FTO: variants seen among roughly 807,000 people sequenced by gnomAD.
The protein encoded by FTO is alpha-ketoglutarate-dependent dioxygenase FTO.
Under a neutral mutation model 63.9 loss-of-function variants are expected in FTO, and 47 were observed. That is an observed-to-expected ratio of 0.74 (90% CI 0.58 to 0.94). FTO has a LOEUF of 0.94. Ranked by LOEUF, FTO falls within the 40% of genes least tolerant of loss-of-function variation. FTO has a pLI of 0.00. For synonymous variants in FTO, 207 were observed against 224.4 expected, an observed-to-expected ratio of 0.92 and a Z score of 0.69; for missense variants, 562 against 618.1, an observed-to-expected ratio of 0.91 and a Z score of 0.96.
intron 8 of FTO, among the ~76,000 whole-genome samples, chr16:53,962,243 G>T (rs2083099127): frequency 6.6e-6 from 1 of 152,168 alleles, no homozygotes; most frequent in South Asian, 2.1e-4. Context: ...GAAGGCTCCA[G>T]ACAGGACCCA....
At chr16:54,058,021 A>G (rs2085478683) in intron 8 of FTO, among the ~76,000 whole-genome samples, 1 of 152,094 alleles carries the variant, frequency 6.6e-6, no homozygotes, top group Non-Finnish European at 1.5e-5. Context: ...CCTGTGGGTG[A>G]CACAGTGCCC....
At chr16:53,853,049 T>A (rs974268253) in intron 4 of FTO, among the ~76,000 whole-genome samples, 2 of 152,128 alleles carry the variant, frequency 1.3e-5, no homozygotes, top group Non-Finnish European at 2.9e-5. Flanking sequence ...TCCCAACACT[T>A]TGGGAGGCTG....
At chr16:53,742,313 A>G (rs188149256) in intron 1 of FTO, among the ~76,000 whole-genome samples, 63 of 152,278 alleles carry the variant, frequency 4.1e-4, no homozygotes, top group African/African-American at 1.4e-3. Context: ...CAGTTTTTCA[A>G]TTAGAACTAT....
Position 54,121,482 on chromosome 16 carries a change from G to C in FTO, c.*9567G>C, listed in dbSNP as rs552480424. On this transcript the variant is annotated 3_prime_UTR_variant, in exon 9 of 9. Transcript: ENST00000471389. Reference sequence around the variant, plus strand: ...CCTGAATAAGGTAGTGAAAGGACCAGGGAAAGCCTTCCCACGGGGATGGAG... The same window carrying C: ...CCTGAATAAGGTAGTGAAAGGACCACGGAAAGCCTTCCCACGGGGATGGAG... 2 of 152,318 alleles carry C rather than the reference G, an allele frequency of 1.3e-5. No homozygotes were observed. The highest frequency in any genetic ancestry group is 2.1e-4 in the South Asian group (1 of 4,822). The allele number at this position is 152,318 out of a possible 1,614,324, so 9.4% of individuals were successfully genotyped here.
intron 8 of FTO, among the ~76,000 whole-genome samples, chr16:54,096,431 A>G (rs545970826): frequency 6.6e-6 from 1 of 152,312 alleles, no homozygotes; most frequent in Middle Eastern, 3.4e-3. Flanking sequence ...CTGCACCAAC[A>G]TATAATTGTG....
At chr16:53,736,797 C>T (rs1463215824) in intron 1 of FTO, among the ~76,000 whole-genome samples, 2 of 152,162 alleles carry the variant, frequency 1.3e-5, no homozygotes, top group East Asian at 1.9e-4. Flanking sequence ...CACTATCTGA[C>T]GTAACCAGCG....
intron 1 of FTO, among the ~76,000 whole-genome samples, chr16:53,771,464 TCTC>T (rs1170488692): frequency 6.6e-6 from 1 of 151,460 alleles, no homozygotes; most frequent in African/African-American, 2.4e-5. Context: ...TCCTATCTAG[TCTC>T]CTTGCTTCTT....
chr16:54,048,746 G>A (rs1299705319), intron 8 of FTO, among the ~76,000 whole-genome samples: 1 of 152,188 alleles, frequency 6.6e-6, no homozygotes, highest in African/African-American at 2.4e-5. Flanking sequence ...CCTCCAGCCT[G>A]ATAAGTATTC....
At chr16:53,908,720 T>C (rs1016908707) in intron 7 of FTO, among the ~76,000 whole-genome samples, 3 of 152,238 alleles carry the variant, frequency 2.0e-5, no homozygotes, top group African/African-American at 4.8e-5. Context: ...TCTTCTTGTG[T>C]TGGTGCCTAG....
Position 53,879,988 on chromosome 16 carries a change from G to A in FTO, c.1119+1G>A. Reference sequence around the variant, plus strand: ...ACAAGGAGAAGAAATTCATAATGAGGTAAGGACTTTCTTTTTTTTTTTTTG... The same window carrying A: ...ACAAGGAGAAGAAATTCATAATGAGATAAGGACTTTCTTTTTTTTTTTTTG... On this transcript the variant is annotated splice_donor_variant, in intron 6 of 8. Coordinates refer to ENST00000471389, the MANE Select transcript of FTO (RefSeq NM_001080432.3). LOFTEE classifies it high-confidence loss of function. 1.2e-6 allele frequency: 2 copies of A among 1,610,376 alleles called. No individual in the cohort carries two copies. The highest frequency in any genetic ancestry group is 1.7e-6 in the Non-Finnish European group (2 of 1,177,390).
chr16:54,113,881 C>G lies in FTO; in HGVS notation c.*1966C>G, dbSNP rs780413339. ...AGAGTGCAGTGGCACGATCTCAGCT[C>G]ACTGCAACCTCTGCCTCCCAGGTTC... On this transcript the variant is annotated 3_prime_UTR_variant, in exon 9 of 9. Transcript: ENST00000471389. The G allele has an allele frequency of 6.6e-6, 1 of 150,930 alleles. No individual in the cohort carries two copies. The highest frequency in any genetic ancestry group is 1.5e-5 in the Non-Finnish European group (1 of 67,952). 9.3% of individuals were successfully genotyped at this position (150,930 alleles called of 1,614,324 possible). A position where few individuals can be genotyped will look rare whatever the true frequency, so the allele number is the denominator to read the frequency against.
chr16:53,755,573 C>G (rs1466597926), intron 1 of FTO, among the ~76,000 whole-genome samples: 1 of 152,158 alleles, frequency 6.6e-6, no homozygotes, highest in East Asian at 1.9e-4. Flanking sequence ...TTTCTAGTTT[C>G]GTAAAACTTG....
intron 7 of FTO, among the ~76,000 whole-genome samples, chr16:53,912,614 T>A (rs1371026709): frequency 6.6e-6 from 1 of 152,172 alleles, no homozygotes; most frequent in Admixed American, 6.5e-5. Flanking sequence ...ACAGATTGCA[T>A]GGGGAATGTT....
At chr16:54,003,749 T>C (rs1264662659) in intron 8 of FTO, among the ~76,000 whole-genome samples, 1 of 152,208 alleles carries the variant, frequency 6.6e-6, no homozygotes, top group Admixed American at 6.5e-5. Context: ...TCATCTAAAC[T>C]CTTATTTAAC....
At chr16:54,032,014 T>C (rs914160045) in intron 8 of FTO, among the ~76,000 whole-genome samples, 14 of 152,292 alleles carry the variant, frequency 9.2e-5, no homozygotes, top group Middle Eastern at 3.4e-3. Context: ...TAGACCAATA[T>C]ATGGGAGGCA....
chr16:53,800,851 C>T (rs114078316), intron 1 of FTO, among the ~76,000 whole-genome samples: 15,039 of 151,856 alleles, frequency 0.099, 913 homozygotes, highest in Middle Eastern at 0.25. Context: ...CTTTACAAAT[C>T]TTTTTTTATT....
intron 7 of FTO, among the ~76,000 whole-genome samples, chr16:53,904,459 T>A (rs1423889885): frequency 1.3e-5 from 2 of 152,214 alleles, no homozygotes; most frequent in African/African-American, 4.8e-5. Flanking sequence ...TGTCCTTGAC[T>A]GGTAAATGTG....
At chr16:53,705,638 C>T (rs1013046217) in intron 1 of FTO, among the ~76,000 whole-genome samples, 3 of 152,094 alleles carry the variant, frequency 2.0e-5, no homozygotes, top group East Asian at 1.9e-4. Flanking sequence ...TGCAGTATTT[C>T]GTAAGGGACC....
chr16:53,928,301 G>T (rs1277120987), intron 7 of FTO, among the ~76,000 whole-genome samples: 2 of 152,060 alleles, frequency 1.3e-5, no homozygotes, highest in African/African-American at 4.8e-5. Context: ...ACCTGTGGGG[G>T]TTTTCTCCTG....
Sources: allele counts gnomAD v4.1 joint callset (sites outside exome capture counted in the v4.1 genomes callset), GRCh38; gene constraint gnomAD v4.1.1; transcripts MANE v1.5; gene names NCBI Gene and HGNC (gene_info 2026-07-23, HGNC 2026-07-21).